Variants in EPHB1 observed in about 807,000 individuals in gnomAD.
EPHB1 encodes ephrin type-B receptor 1.
EPHB1 carries 30 observed loss-of-function variants against 94.4 expected under a neutral mutation model. The ratio of observed to expected loss-of-function variants is 0.32; its 90% CI spans 0.24 to 0.43. The LOEUF (loss-of-function observed/expected upper bound fraction) is 0.43, where lower values mean the gene tolerates loss of function less well. EPHB1 is among the 20% of genes least tolerant of loss of function. The probability of loss-of-function intolerance (pLI) is 1.00; values close to 1 mark genes in which losing one functional copy is unlikely to be tolerated. For synonymous variants in EPHB1, 522 were observed against 489.1 expected, an observed-to-expected ratio of 1.07 and a Z score of -0.89; for missense variants, 1,055 against 1,308.3, an observed-to-expected ratio of 0.81 and a Z score of 2.99.
At chr3:134,840,337 A>G (rs2036753184) in intron 1 of EPHB1, 1 of 152,196 alleles carries the variant, frequency 6.6e-6, no homozygotes, top group Admixed American at 6.5e-5. Context: ...GACCCTGTGA[A>G]TAGGTGAACT....
At chr3:135,068,747 C>T (rs982632361) in intron 3 of EPHB1, among the ~76,000 whole-genome samples, 9 of 151,390 alleles carry the variant, frequency 5.9e-5, no homozygotes, top group Admixed American at 6.6e-5. Flanking sequence ...TTCCCAGGTT[C>T]GCGCCATTCT....
chr3:134,875,302 A>T (rs1237373140), intron 1 of EPHB1, among the ~76,000 whole-genome samples: 1 of 152,092 alleles, frequency 6.6e-6, no homozygotes, highest in Non-Finnish European at 1.5e-5. Context: ...CTGGTGTCTC[A>T]CCAGGGCTTT....
intron 3 of EPHB1, among the ~76,000 whole-genome samples, chr3:135,003,858 C>A (rs1462591992): frequency 6.6e-6 from 1 of 152,006 alleles, no homozygotes; most frequent in African/African-American, 2.4e-5. Context: ...TGTGTCTCTG[C>A]ACGTGAGATG....
chr3:134,979,325 G>A (rs1055673741), intron 3 of EPHB1, among the ~76,000 whole-genome samples: 7 of 152,142 alleles, frequency 4.6e-5, no homozygotes, highest in African/African-American at 7.2e-5. Context: ...AGATTGGCAC[G>A]TTTCAGTTCT....
At chr3:135,155,520 T>G (rs1347467371) in intron 6 of EPHB1, among the ~76,000 whole-genome samples, 1 of 152,036 alleles carries the variant, frequency 6.6e-6, no homozygotes, top group East Asian at 1.9e-4. Context: ...CCTTAAAGAC[T>G]GGGCCGGGTG....
intron 1 of EPHB1, among the ~76,000 whole-genome samples, chr3:134,910,364 C>T (rs1462251323): frequency 6.6e-6 from 1 of 152,214 alleles, no homozygotes; most frequent in Non-Finnish European, 1.5e-5. Flanking sequence ...CGAAGGCCAG[C>T]ATGGGAGCTC....
At chr3:134,947,759 A>G (rs1297265576) in intron 2 of EPHB1, among the ~76,000 whole-genome samples, 2 of 152,182 alleles carry the variant, frequency 1.3e-5, no homozygotes, top group African/African-American at 2.4e-5. Flanking sequence ...TCAATATCTC[A>G]GCTCCCATAG....
chr3:135,114,563 AAAAT>A (rs1476727332), intron 4 of EPHB1, among the ~76,000 whole-genome samples: 1 of 146,526 alleles, frequency 6.8e-6, no homozygotes, highest in Non-Finnish European at 1.5e-5. Flanking sequence ...AAAAAAAAAA[AAAAT>A]ACAAAAATTA....
intron 3 of EPHB1, among the ~76,000 whole-genome samples, chr3:135,030,669 G>C (rs1358569595): frequency 6.6e-6 from 1 of 152,230 alleles, no homozygotes; most frequent in African/African-American, 2.4e-5. Context: ...GGTTACTGCT[G>C]TCTTTTTGTT....
intron 3 of EPHB1, among the ~76,000 whole-genome samples, chr3:135,014,661 A>G (rs1374747599): frequency 6.6e-6 from 1 of 152,222 alleles, no homozygotes; most frequent in Non-Finnish European, 1.5e-5. Context: ...TGGAGGACAC[A>G]TGCCTGCCCA....
chr3:135,252,008 GC>G (rs1387994679), intron 15 of EPHB1, among the ~76,000 whole-genome samples: 2 of 151,968 alleles, frequency 1.3e-5, no homozygotes, highest in Non-Finnish European at 1.5e-5. Context: ...AGCCCTACTT[GC>G]CTTGTTTATA....
intron 2 of EPHB1, among the ~76,000 whole-genome samples, chr3:134,935,627 A>G (rs925214577): frequency 1.3e-5 from 2 of 152,178 alleles, no homozygotes; most frequent in African/African-American, 4.8e-5. Flanking sequence ...TGTAAACTGT[A>G]AGACTCAGTG....
intron 3 of EPHB1, among the ~76,000 whole-genome samples, chr3:134,995,142 CCTT>C (rs759056999): frequency 6.6e-5 from 10 of 152,170 alleles, no homozygotes; most frequent in Non-Finnish European, 1.3e-4. Flanking sequence ...CACCTTTCCT[CCTT>C]CTTCTCCCTG....
At chr3:135,218,726 C>G (rs1292025927) in intron 12 of EPHB1, among the ~76,000 whole-genome samples, 1 of 152,218 alleles carries the variant, frequency 6.6e-6, no homozygotes, top group Non-Finnish European at 1.5e-5. Flanking sequence ...GTTAACAAAA[C>G]AGGTAGTTCC....
At chr3:135,060,666 A>G (rs1256968025) in intron 3 of EPHB1, among the ~76,000 whole-genome samples, 1 of 152,108 alleles carries the variant, frequency 6.6e-6, no homozygotes, top group Non-Finnish European at 1.5e-5. Context: ...GTGGGTACAT[A>G]GTAGGTGTAT....
intron 9 of EPHB1, among the ~76,000 whole-genome samples, chr3:135,178,824 A>G (rs1308329654): frequency 6.6e-6 from 1 of 152,170 alleles, no homozygotes; most frequent in Non-Finnish European, 1.5e-5. Context: ...TGAATGAGAC[A>G]GCAGTACCTG....
intron 3 of EPHB1, among the ~76,000 whole-genome samples, chr3:135,020,741 T>C (rs1343877505): frequency 3.3e-5 from 5 of 152,222 alleles, no homozygotes; most frequent in Non-Finnish European, 5.9e-5. Flanking sequence ...CAACTATATT[T>C]TCTGCTAATT....
intron 2 of EPHB1, among the ~76,000 whole-genome samples, chr3:134,926,868 T>G (rs36182): frequency 0.56 from 85,485 of 152,038 alleles, 25,607 homozygotes; most frequent in African/African-American, 0.78. Flanking sequence ...CAAGTTAAAA[T>G]AGGATATGCA....
chr3:135,179,953 T>G lies in EPHB1; in HGVS notation c.1853T>G (p.Phe618Cys). 1 of 1,613,950 alleles carries G rather than the reference T, an allele frequency of 6.2e-7. No homozygotes were observed. The stretch of plus-strand genomic sequence containing the variant: ...TTTGCCAAGGAGATTGATGTATCTT[T>G]TGTGAAAATTGAAGAGGTCATCGGA... ...REFAKEIDVS[F>C]VKIEEVIGAG... The change falls in exon 10 of 16, where the codon TTT (phenylalanine) becomes TGT (cysteine). Residue 618 changes from phenylalanine (F) to cysteine (C), a missense_variant. Coordinates refer to ENST00000398015, the MANE Select transcript of EPHB1 (RefSeq NM_004441.5).
Sources: allele counts gnomAD v4.1 joint callset (sites outside exome capture counted in the v4.1 genomes callset), GRCh38; gene constraint gnomAD v4.1.1; transcripts MANE v1.5; gene names NCBI Gene and HGNC (gene_info 2026-07-23, HGNC 2026-07-21).